PTPN13: variants seen among roughly 807,000 people sequenced by gnomAD.
The protein encoded by PTPN13 is tyrosine-protein phosphatase non-receptor type 13.
In PTPN13, 191 loss-of-function variants were observed where a neutral mutation model predicts 284.0. The observed-to-expected ratio is 0.67, with a 90% CI of 0.60 to 0.76. The LOEUF is 0.76. Ranked by LOEUF, PTPN13 falls within the 30% of genes least tolerant of loss-of-function variation. The pLI, the probability that PTPN13 is intolerant of heterozygous loss-of-function variation, is 0.00. For synonymous variants in PTPN13, 986 were observed against 1,022.3 expected, an observed-to-expected ratio of 0.96 and a Z score of 0.68; for missense variants, 2,797 against 2,939.9, an observed-to-expected ratio of 0.95 and a Z score of 1.12.
At chr4:86,768,531 T>G (rs1037381498) in intron 28 of PTPN13, among the ~76,000 whole-genome samples, 1 of 152,150 alleles carries the variant, frequency 6.6e-6, no homozygotes, top group African/African-American at 2.4e-5. Context: ...CTTTACTTTA[T>G]AAATGATGGT....
intron 2 of PTPN13, among the ~76,000 whole-genome samples, chr4:86,659,485 A>G (rs1726227828): frequency 6.6e-6 from 1 of 152,232 alleles, no homozygotes. Flanking sequence ...AAATAAATTA[A>G]AAACTCAATT....
At chr4:86,600,117 G>A (rs1764164615) in intron 1 of PTPN13, among the ~76,000 whole-genome samples, 1 of 152,080 alleles carries the variant, frequency 6.6e-6, no homozygotes, top group Non-Finnish European at 1.5e-5. Flanking sequence ...ATAAAGGTGT[G>A]AGAGAAAATT....
chr4:86,673,066 A>T (rs1412820935), intron 3 of PTPN13, among the ~76,000 whole-genome samples: 1 of 152,160 alleles, frequency 6.6e-6, no homozygotes, highest in Non-Finnish European at 1.5e-5. Flanking sequence ...TTCCTATGAG[A>T]ATCTAATGCC....
chr4:86,732,766 G>C lies in PTPN13; in HGVS notation c.1858G>C (p.Asp620His). Residue 620 changes from aspartate to histidine, a missense_variant and splice_region_variant, in exon 12 of 48, where the codon GAT becomes CAT. Transcript: ENST00000411767. ...HHLFALATLK[D>H]NEYFFVDPDL... ...TTTGTTTGCTTTAGCTACCCTCAAA[G>C]GTACCAAGACATTTTATATTCAGAG... The C allele has an allele frequency of 6.2e-7, 1 of 1,610,950 alleles. No individual in the cohort carries two copies.
At chr4:86,747,650 T>C (rs1041347999) in intron 17 of PTPN13, among the ~76,000 whole-genome samples, 7 of 152,148 alleles carry the variant, frequency 4.6e-5, no homozygotes, top group African/African-American at 1.7e-4. Flanking sequence ...AGTTTCTTCA[T>C]CCATGGAGTG....
intron 24 of PTPN13, 117 bp downstream of exon 24, chr4:86,763,307 G>A (rs1347127329): frequency 1.1e-6 from 1 of 889,364 alleles, no homozygotes; most frequent in Non-Finnish European, 1.7e-6. Flanking sequence ...AAAAGAAATA[G>A]TTTATATCTT....
intron 17 of PTPN13, among the ~76,000 whole-genome samples, chr4:86,746,938 T>C (rs1252971569): frequency 1.3e-5 from 2 of 152,234 alleles, no homozygotes; most frequent in Non-Finnish European, 2.9e-5. Flanking sequence ...ACCACTGCTA[T>C]AATATCATTA....
intron 2 of PTPN13, among the ~76,000 whole-genome samples, chr4:86,643,078 ACTCAATTTCC>A (rs1724002632): frequency 6.6e-6 from 1 of 152,140 alleles, no homozygotes; most frequent in African/African-American, 2.4e-5. Context: ...AGAGGAAGAG[ACTCAATTTCC>A]CTCACTTAGG....
intron 16 of PTPN13, among the ~76,000 whole-genome samples, chr4:86,743,004 C>T (rs1442038553): frequency 6.6e-6 from 1 of 152,142 alleles, no homozygotes; most frequent in East Asian, 1.9e-4. Context: ...TAATAGCATT[C>T]ATTTTTCCTG....
rs147565414 is a variant in PTPN13, at chr4:86,688,692, T to G, written c.361-313T>G. Among the ~76,000 whole-genome samples, 556 of 152,302 alleles carry G rather than the reference T, an allele frequency of 3.7e-3. 2 individuals carry two copies. The highest frequency in any genetic ancestry group is 0.013 in the African/African-American group (533 of 41,584). Reference sequence around the variant, plus strand: ...TGGTGTGTATGTTTGTGTGTGCGTGTGTACATGTAGTAACTGTTTATCAAA... The same window carrying G: ...TGGTGTGTATGTTTGTGTGTGCGTGGGTACATGTAGTAACTGTTTATCAAA... On this transcript the variant is annotated intron_variant, in intron 4 of 47. Coordinates refer to ENST00000411767, the MANE Select transcript of PTPN13 (RefSeq NM_080683.3).
intron 1 of PTPN13, among the ~76,000 whole-genome samples, chr4:86,634,736 AT>A (rs1259895338): frequency 6.6e-6 from 1 of 152,226 alleles, no homozygotes; most frequent in Non-Finnish European, 1.5e-5. Context: ...TTAGTGCAAA[AT>A]ATACAGTTAT....
At chr4:86,607,433 C>T (rs1198723855) in intron 1 of PTPN13, among the ~76,000 whole-genome samples, 2 of 152,036 alleles carry the variant, frequency 1.3e-5, no homozygotes, top group East Asian at 3.9e-4. Context: ...GCTAGGCACT[C>T]TTTTAAGAAA....
At chr4:86,777,904 G>A (rs1740844444) in intron 35 of PTPN13, among the ~76,000 whole-genome samples, 1 of 152,032 alleles carries the variant, frequency 6.6e-6, no homozygotes, top group Non-Finnish European at 1.5e-5. Context: ...CAAACAACCT[G>A]GAAAGTATTT....
intron 7 of PTPN13, among the ~76,000 whole-genome samples, chr4:86,706,244 C>G (rs1316989952): frequency 6.6e-6 from 1 of 152,166 alleles, no homozygotes; most frequent in African/African-American, 2.4e-5. Context: ...ATCCCAGTCT[C>G]TAGAGCCCAA....
At chr4:86,654,165 T>G (rs1190715145) in intron 2 of PTPN13, among the ~76,000 whole-genome samples, 1 of 151,936 alleles carries the variant, frequency 6.6e-6, no homozygotes, top group Non-Finnish European at 1.5e-5. Flanking sequence ...AAGAAATAAC[T>G]AAGACCAGAG....
At chr4:86,701,153 G>A (rs1731108404) in intron 6 of PTPN13, 88 bp from the exon 7 acceptor site, 2 of 998,818 alleles carry the variant, frequency 2.0e-6, no homozygotes, top group Non-Finnish European at 2.8e-6. Flanking sequence ...TTAGGAAATT[G>A]CCACCACTTT....
chr4:86,624,987 T>A (rs1721671024), intron 1 of PTPN13, among the ~76,000 whole-genome samples: 1 of 152,066 alleles, frequency 6.6e-6, no homozygotes, highest in Non-Finnish European at 1.5e-5. Context: ...TTGAAATAGG[T>A]CATGAGGACT....
chr4:86,722,706 G>T (rs930501616), intron 10 of PTPN13, among the ~76,000 whole-genome samples: 10 of 151,990 alleles, frequency 6.6e-5, no homozygotes, highest in African/African-American at 2.4e-4. Context: ...AATCCTTAAA[G>T]TTAACTAGCT....
intron 3 of PTPN13, among the ~76,000 whole-genome samples, chr4:86,674,873 C>T (rs1184116143): frequency 6.6e-6 from 1 of 152,112 alleles, no homozygotes; most frequent in African/African-American, 2.4e-5. Flanking sequence ...AGGATGCAGT[C>T]ATTCTGTACA....
Sources: allele counts gnomAD v4.1 joint callset (sites outside exome capture counted in the v4.1 genomes callset), GRCh38; gene constraint gnomAD v4.1.1; transcripts MANE v1.5; gene names NCBI Gene and HGNC (gene_info 2026-07-23, HGNC 2026-07-21).